CPED1: variants seen among roughly 807,000 people sequenced by gnomAD.
CPED1 encodes the protein cadherin like and PC-esterase domain containing 1.
Under a neutral mutation model 128.2 loss-of-function variants are expected in CPED1, and 114 were observed. The ratio of observed to expected loss-of-function variants is 0.89; its 90% CI spans 0.76 to 1.04. The LOEUF (loss-of-function observed/expected upper bound fraction) is 1.04, where lower values mean the gene tolerates loss of function less well. Ranked by LOEUF, CPED1 falls within the 50% of genes least tolerant of loss-of-function variation. The pLI, the probability that CPED1 is intolerant of heterozygous loss-of-function variation, is 0.00. For missense variants in CPED1, 1,211 were observed against 1,207.1 expected (o/e 1.00, Z -0.05); for synonymous variants, 462 against 426.7 (o/e 1.08, Z -1.02).
At chr7:121,265,726 A>G (rs1792108629) in intron 18 of CPED1, among the ~76,000 whole-genome samples, 1 of 152,000 alleles carries the variant, frequency 6.6e-6, no homozygotes, top group Non-Finnish European at 1.5e-5. Flanking sequence ...TGGCACTGGG[A>G]TAGGCACCCT....
intron 16 of CPED1, among the ~76,000 whole-genome samples, chr7:121,224,787 C>CTTTTTTTTTTTTTTTTTTT (rs143087799): frequency 3.6e-5 from 2 of 56,252 alleles, no homozygotes; most frequent in African/African-American, 1.5e-4. Context: ...GCAACCCCTG[C>CTTTTTTTTTTTTTTTTTTT]TTTTTTTTTT....
chr7:121,127,732 CA>C, intron 10 of CPED1, among the ~76,000 whole-genome samples: 1 of 151,934 alleles, frequency 6.6e-6, no homozygotes, highest in Non-Finnish European at 1.5e-5. Flanking sequence ...AACGGGGTTT[CA>C]TCATGTTGGC....
At chr7:121,201,091 GGATCTGA>G (rs1797384946) in intron 16 of CPED1, among the ~76,000 whole-genome samples, 2 of 152,034 alleles carry the variant, frequency 1.3e-5, no homozygotes, top group South Asian at 4.1e-4. Context: ...TGAGAAAATC[GGATCTGA>G]GATACAAGGT....
At chr7:121,200,986 A>G (rs779193398) in intron 16 of CPED1, among the ~76,000 whole-genome samples, 3 of 152,112 alleles carry the variant, frequency 2.0e-5, no homozygotes, top group Non-Finnish European at 2.9e-5. Flanking sequence ...AGATAGGGCA[A>G]GGCACAGAAT....
chr7:120,996,775 C>T (rs1002716099), intron 2 of CPED1, among the ~76,000 whole-genome samples: 1 of 152,198 alleles, frequency 6.6e-6, no homozygotes, highest in African/African-American at 2.4e-5. Flanking sequence ...AATCTCAATG[C>T]TGTGTCCTTG....
chr7:121,143,575 C>T (rs1795952126), intron 16 of CPED1, among the ~76,000 whole-genome samples: 1 of 151,866 alleles, frequency 6.6e-6, no homozygotes, highest in South Asian at 2.1e-4. Context: ...ATAATATAGC[C>T]ACACCAAAAA....
intron 16 of CPED1, among the ~76,000 whole-genome samples, chr7:121,154,542 T>G (rs1796237911): frequency 6.6e-6 from 1 of 151,488 alleles, no homozygotes; most frequent in Non-Finnish European, 1.5e-5. Flanking sequence ...TTTTTATTAT[T>G]TATTTATTTT....
At chr7:121,070,507 A>G (rs930792498) in intron 5 of CPED1, among the ~76,000 whole-genome samples, 2 of 152,238 alleles carry the variant, frequency 1.3e-5, no homozygotes, top group East Asian at 1.9e-4. Flanking sequence ...TCAGCTAGGT[A>G]ATAGCAGAAA....
chr7:120,993,814 C>A (rs1204161307), intron 2 of CPED1: 1 of 171,342 alleles, frequency 5.8e-6, no homozygotes, highest in Non-Finnish European at 1.3e-5. Flanking sequence ...AGGTGCTGGA[C>A]AAAAGGAGCA....
At chr7:121,034,892 G>A (rs1422699992) in intron 3 of CPED1, among the ~76,000 whole-genome samples, 5 of 152,134 alleles carry the variant, frequency 3.3e-5, no homozygotes, top group Admixed American at 6.5e-5. Context: ...TAAAATAGAA[G>A]CAGTCTGAAG....
intron 7 of CPED1, among the ~76,000 whole-genome samples, chr7:121,103,254 C>T (rs1003924739): frequency 6.6e-6 from 1 of 152,068 alleles, no homozygotes; most frequent in Non-Finnish European, 1.5e-5. Context: ...CATTTTCATC[C>T]TCTCCTTGGG....
rs182582605 is a variant in CPED1, at chr7:121,170,380, C to T, written c.2055+28239C>T. On this transcript the variant is annotated intron_variant, in intron 16 of 22. Transcript: ENST00000310396. ...TTCTGGCCCTTCTCACCCTGGGCCT[C>T]ATTCTGCTTGGCAAAAGGTCTTTTG... Among the ~76,000 whole-genome samples the T allele has an allele frequency of 1.7e-4, 26 of 152,180 alleles. No homozygotes were observed. In the East Asian group the frequency reaches 5.0e-3, roughly 29 times the overall value.
intron 18 of CPED1, among the ~76,000 whole-genome samples, chr7:121,245,108 A>G (rs550251029): frequency 6.6e-6 from 1 of 152,322 alleles, no homozygotes; most frequent in East Asian, 1.9e-4. Flanking sequence ...ACTGATTTCA[A>G]AAGCTGATTT....
chr7:121,071,662 C>T (rs981277038), intron 5 of CPED1, among the ~76,000 whole-genome samples: 3 of 152,016 alleles, frequency 2.0e-5, no homozygotes, highest in Non-Finnish European at 4.4e-5. Context: ...ACTACAGGAG[C>T]GGGCCACCAT....
At chr7:121,203,240 G>A (rs766919298) in intron 16 of CPED1, among the ~76,000 whole-genome samples, 46 of 151,908 alleles carry the variant, frequency 3.0e-4, no homozygotes, top group Non-Finnish European at 6.2e-4. Flanking sequence ...TCTCTAAGAC[G>A]GAGCTGTCTA....
chr7:121,273,896 G>A (rs1161800883), intron 22 of CPED1, among the ~76,000 whole-genome samples: 2 of 152,158 alleles, frequency 1.3e-5, no homozygotes, highest in Admixed American at 1.3e-4. Context: ...CAAAGATCTT[G>A]CAGCTGAGCC....
chr7:121,142,176 T>A (rs376637400), intron 16 of CPED1, 35 bp downstream of exon 16: 4 of 1,549,764 alleles, frequency 2.6e-6, no homozygotes, highest in Non-Finnish European at 2.6e-6. Context: ...TGGGTTGAAT[T>A]GGGAATGATC....
intron 16 of CPED1, among the ~76,000 whole-genome samples, chr7:121,202,043 A>G (rs1464940359): frequency 6.6e-6 from 1 of 152,132 alleles, no homozygotes; most frequent in Non-Finnish European, 1.5e-5. Flanking sequence ...GATACATTTC[A>G]GAGAATAATT....
intron 22 of CPED1, among the ~76,000 whole-genome samples, chr7:121,286,291 G>T (rs1792570777): frequency 1.3e-5 from 2 of 152,130 alleles, no homozygotes; most frequent in South Asian, 4.1e-4. Context: ...TGAGATTCAG[G>T]TGGGGACATG....
Sources: gnomAD v4.1 joint callset for allele counts (sites outside exome capture counted in the v4.1 genomes callset) on GRCh38, gnomAD v4.1.1 for gene constraint, MANE v1.5 for transcripts, NCBI Gene and HGNC (gene_info 2026-07-23, HGNC 2026-07-21) for gene names.